Variants in EPHA7 observed in about 807,000 individuals in gnomAD.
EPHA7 encodes EPH receptor A7.
In EPHA7, 25 loss-of-function variants were observed where a neutral mutation model predicts 112.6. The ratio of observed to expected loss-of-function variants is 0.22; its 90% CI spans 0.16 to 0.31. EPHA7 has a LOEUF of 0.31. Among genes scored for constraint, EPHA7 ranks in the 10% least tolerant of loss-of-function variants. The probability of loss-of-function intolerance (pLI) is 1.00; values close to 1 mark genes in which losing one functional copy is unlikely to be tolerated. For synonymous variants in EPHA7, 437 were observed against 406.5 expected (o/e 1.07, Z -0.90); for missense variants, 962 against 1,212.6 (o/e 0.79, Z 3.07).
intron 5 of EPHA7, among the ~76,000 whole-genome samples, chr6:93,305,242 G>C (rs1482416360): frequency 2.0e-5 from 3 of 151,166 alleles, no homozygotes; most frequent in Non-Finnish European, 4.4e-5. Context: ...GGAAAGATTT[G>C]ATTAAGCAGG....
intron 5 of EPHA7, among the ~76,000 whole-genome samples, chr6:93,321,932 A>G (rs1227023884): frequency 2.6e-5 from 4 of 151,878 alleles, no homozygotes; most frequent in Non-Finnish European, 5.9e-5. Context: ...CTGCCACTGT[A>G]CGACCTTGGG....
intron 3 of EPHA7, among the ~76,000 whole-genome samples, chr6:93,363,248 T>G (rs989953145): frequency 3.9e-5 from 6 of 152,164 alleles, no homozygotes; most frequent in African/African-American, 1.4e-4. Flanking sequence ...AGGTATTTTC[T>G]TGGACTATCA....
At chr6:93,255,212 G>T (rs1770383834) in intron 13 of EPHA7, among the ~76,000 whole-genome samples, 3 of 151,970 alleles carry the variant, frequency 2.0e-5, no homozygotes, top group Non-Finnish European at 4.4e-5. Context: ...TCCGTGCGTG[G>T]TGGTGGGCGC....
chr6:93,344,207 T>G (rs981631233), intron 5 of EPHA7, among the ~76,000 whole-genome samples: 9 of 151,794 alleles, frequency 5.9e-5, no homozygotes, highest in South Asian at 2.1e-4. Flanking sequence ...CATTTAATAT[T>G]AATGATACTA....
chr6:93,332,639 A>G (rs1774654644), intron 5 of EPHA7, among the ~76,000 whole-genome samples: 1 of 151,738 alleles, frequency 6.6e-6, no homozygotes, highest in Admixed American at 6.6e-5. Flanking sequence ...ATACATCTCA[A>G]ATTCTGAAGA....
intron 5 of EPHA7, among the ~76,000 whole-genome samples, chr6:93,304,761 C>T (rs1773165731): frequency 6.6e-6 from 1 of 152,036 alleles, no homozygotes; most frequent in Non-Finnish European, 1.5e-5. Context: ...AATTCACTGC[C>T]TACTCTCTTT....
intron 9 of EPHA7, among the ~76,000 whole-genome samples, chr6:93,262,843 A>C (rs990785719): frequency 1.3e-5 from 2 of 151,378 alleles, no homozygotes; most frequent in Non-Finnish European, 1.5e-5. Flanking sequence ...TTAAAAAAAA[A>C]GTATCACAAA....
intron 5 of EPHA7, among the ~76,000 whole-genome samples, chr6:93,292,114 C>A (rs187963120): frequency 6.6e-6 from 1 of 152,220 alleles, no homozygotes; most frequent in African/African-American, 2.4e-5. Context: ...ACTGAAGACA[C>A]TCCCCACACT....
chr6:93,269,606 T>C lies in EPHA7; in HGVS notation c.1504A>G (p.Ile502Val), dbSNP rs1372005745. 2 of 1,600,612 alleles carry C rather than the reference T, an allele frequency of 1.2e-6. No individual in the cohort carries two copies. Among genetic ancestry groups the C allele is most frequent in the Admixed American group, 1.7e-5 (1 of 58,156 alleles). The change falls in exon 7 of 17, where the codon ATT becomes GTT. Residue 502 changes from isoleucine (I) to valine (V), a missense_variant. By Grantham distance (29) the Ile-to-Val change is conservative. This residue lies in a region of EPHA7 where 746 missense variants were observed against 889.2 expected (regional missense o/e 0.84). Transcript: ENST00000369303. ...ACTGTTCCTGGTTTCAGATTATTAA[T>C]GGAGGCTGAAGTAGACTTGGTTTTT... Reference protein sequence around the residue: ...TVKTKSTSASINNLKPGTVYV... With the variant: ...TVKTKSTSASVNNLKPGTVYV...
At chr6:93,339,113 A>ACTGG (rs1775018751) in intron 5 of EPHA7, among the ~76,000 whole-genome samples, 4 of 151,740 alleles carry the variant, frequency 2.6e-5, no homozygotes, top group Non-Finnish European at 5.9e-5. Context: ...AACATATAAT[A>ACTGG]CAAAAACTGG....
intron 3 of EPHA7, among the ~76,000 whole-genome samples, chr6:93,389,278 T>C (rs1425934869): frequency 6.6e-6 from 1 of 152,120 alleles, no homozygotes; most frequent in Non-Finnish European, 1.5e-5. Flanking sequence ...CCATTTTCTA[T>C]GTGCTAGTAC....
intron 1 of EPHA7, among the ~76,000 whole-genome samples, chr6:93,415,416 A>T (rs1344550925): frequency 2.0e-5 from 3 of 152,004 alleles, no homozygotes; most frequent in Non-Finnish European, 2.9e-5. Context: ...GTGATAGATA[A>T]TTCTCAAAAT....
chr6:93,277,847 G>T (rs139260239), intron 5 of EPHA7, among the ~76,000 whole-genome samples: 1 of 151,790 alleles, frequency 6.6e-6, no homozygotes, highest in African/African-American at 2.4e-5. Context: ...AGGTTTGAAA[G>T]TTCTGGAAAA....
At chr6:93,383,034 G>A (rs1253675729) in intron 3 of EPHA7, among the ~76,000 whole-genome samples, 2 of 152,030 alleles carry the variant, frequency 1.3e-5, no homozygotes, top group African/African-American at 2.4e-5. Flanking sequence ...GATGTTAAGA[G>A]AGCTTAATTT....
chr6:93,369,197 CACACA>C, intron 3 of EPHA7, among the ~76,000 whole-genome samples: 1 of 151,556 alleles, frequency 6.6e-6, no homozygotes, highest in Non-Finnish European at 1.5e-5. Flanking sequence ...CACACACACA[CACACA>C]CACACACACA....
At chr6:93,383,823 T>C (rs1301550010) in intron 3 of EPHA7, among the ~76,000 whole-genome samples, 3 of 152,086 alleles carry the variant, frequency 2.0e-5, no homozygotes, top group Admixed American at 6.6e-5. Flanking sequence ...TCAGCTTTCA[T>C]AGTAGCTGAG....
At chr6:93,283,117 G>C (rs1771853475) in intron 5 of EPHA7, among the ~76,000 whole-genome samples, 2 of 152,206 alleles carry the variant, frequency 1.3e-5, no homozygotes, top group African/African-American at 4.8e-5. Context: ...CTAAGGGATT[G>C]TGAATGCACC....
chr6:93,328,738 A>G (rs1582529704), intron 5 of EPHA7, among the ~76,000 whole-genome samples: 1 of 151,508 alleles, frequency 6.6e-6, no homozygotes, highest in Non-Finnish European at 1.5e-5. Flanking sequence ...GCGAATTCTC[A>G]TAGAAGCCCT....
At chr6:93,318,493 A>C (rs1773914673) in intron 5 of EPHA7, among the ~76,000 whole-genome samples, 1 of 152,142 alleles carries the variant, frequency 6.6e-6, no homozygotes, top group Non-Finnish European at 1.5e-5. Context: ...TAATGCAATA[A>C]ATTATGCATT....
Sources: allele counts gnomAD v4.1 joint callset (sites outside exome capture counted in the v4.1 genomes callset), GRCh38; gene constraint gnomAD v4.1.1; regional missense constraint gnomAD v4.1.1; transcripts MANE v1.5; gene names NCBI Gene and HGNC (gene_info 2026-07-23, HGNC 2026-07-21).